EVL: variants seen among roughly 807,000 people sequenced by gnomAD.
EVL encodes the protein ena/VASP-like protein.
A neutral mutation model predicts 59.6 loss-of-function variants in EVL; 21 were observed. The ratio of observed to expected loss-of-function variants is 0.35; its 90% CI spans 0.25 to 0.51. The LOEUF (loss-of-function observed/expected upper bound fraction) is 0.51. Ranked by LOEUF, EVL falls within the 20% of genes least tolerant of loss-of-function variation. EVL has a pLI of 0.97. For synonymous variants in EVL, 198 were observed against 203.5 expected, an observed-to-expected ratio of 0.97 and a Z score of 0.23; for missense variants, 462 against 546.6, an observed-to-expected ratio of 0.85 and a Z score of 1.54.
At chr14:99,994,282 T>C (rs937281286) in intron 1 of EVL, among the ~76,000 whole-genome samples, 1 of 152,078 alleles carries the variant, frequency 6.6e-6, no homozygotes, top group Non-Finnish European at 1.5e-5. Flanking sequence ...AATTACTGAT[T>C]GGGAAGGATT....
intron 1 of EVL, among the ~76,000 whole-genome samples, chr14:99,984,430 T>C (rs2060827114): frequency 6.6e-6 from 1 of 152,156 alleles, no homozygotes; most frequent in Non-Finnish European, 1.5e-5. Flanking sequence ...CCCAGCCCCA[T>C]CCCCAAGGAT....
rs141817237 is a variant in EVL at position 100,123,541 on chromosome 14, C to A, written c.361C>A (p.Pro121Thr). The change falls in exon 4 of 14, where the codon CCC becomes ACC. Residue 121 changes from proline (P) to threonine (T), a missense_variant and splice_region_variant. Pro to Thr is a conservative substitution (Grantham distance 38). Coordinates refer to ENST00000392920, the MANE Select transcript of EVL (RefSeq NM_016337.3). Reference protein sequence around the residue: ...LNIMNSQEGGPSSQRQVQNGP... With the variant: ...LNIMNSQEGGTSSQRQVQNGP... ...TTTCTGTGCTTCTCTGCCCACAGGC[C>A]CCTCCAGCCAGCGTCAGGTGCAGAA... 219 of 1,614,038 alleles carry A rather than the reference C, an allele frequency of 1.4e-4. 1 individual carries two copies. The Middle Eastern group carries it at 2.1e-3, about 16-fold the overall frequency.
intron 1 of EVL, among the ~76,000 whole-genome samples, chr14:100,021,124 G>A (rs1031731411): frequency 2.6e-5 from 4 of 152,196 alleles, no homozygotes; most frequent in Admixed American, 6.5e-5. Context: ...CGTAGTTCAC[G>A]TTTTATTGTT....
chr14:100,130,380 T>G lies in EVL; in HGVS notation c.839+696T>G, dbSNP rs1566723973. The stretch of plus-strand genomic sequence containing the variant: ...CTTGGATTTTATTTTTAAATATGAC[T>G]TGGCATCAGGAATGTGCTCACCTTG... On this transcript the variant is annotated intron_variant, in intron 7 of 13. Transcript: ENST00000392920. This position sits in a 1 kb window ranked among gnomAD's most constrained non-coding sequence, Gnocchi z 4.8. 1.3e-5 allele frequency among the ~76,000 whole-genome samples: 2 copies of G among 152,208 alleles called. No homozygotes were observed. The highest frequency in any genetic ancestry group is 6.5e-5 in the Admixed American group (1 of 15,286).
At chr14:100,052,313 T>C (rs555055817) in intron 1 of EVL, among the ~76,000 whole-genome samples, 44 of 152,370 alleles carry the variant, frequency 2.9e-4, no homozygotes, top group African/African-American at 1.1e-3. Context: ...TTGTAAATTC[T>C]GAAAGAGCTT....
At position 100,141,729 on chromosome 14, in the gene EVL, C is replaced by T. The variant is rs746461091; in HGVS notation, c.1162-7C>T. The T allele has an allele frequency of 6.2e-7, 1 of 1,613,286 alleles. No homozygotes were observed. Among genetic ancestry groups the T allele is most frequent in the South Asian group, 1.1e-5 (1 of 91,042 alleles). ...GTCCCTTCACCTGGACACTCCTCTC[C>T]CAACAGGAGATCCTAGAGGAGGTGG... On this transcript the variant is annotated splice_polypyrimidine_tract_variant and splice_region_variant and intron_variant, in intron 12 of 13. Coordinates refer to ENST00000392920, the MANE Select transcript of EVL (RefSeq NM_016337.3).
At chr14:100,015,172 C>A (rs1220462874) in intron 1 of EVL, among the ~76,000 whole-genome samples, 1 of 152,152 alleles carries the variant, frequency 6.6e-6, no homozygotes, top group African/African-American at 2.4e-5. Flanking sequence ...ACATCAGGGC[C>A]TTAAACTCTC....
At chr14:100,103,651 T>C (rs1235740608) in intron 3 of EVL, among the ~76,000 whole-genome samples, 2 of 152,144 alleles carry the variant, frequency 1.3e-5, no homozygotes, top group African/African-American at 4.8e-5. Context: ...GCGCCCCTTC[T>C]ATGTGCTCCC....
At position 100,127,420 on chromosome 14, in the gene EVL, A is replaced by G. The variant is rs1595231774; in HGVS notation, c.487+649A>G. On this transcript the variant is annotated intron_variant, in intron 5 of 13. Coordinates refer to ENST00000392920, the MANE Select transcript of EVL (RefSeq NM_016337.3). This position sits in a 1 kb window ranked among gnomAD's most constrained non-coding sequence, Gnocchi z 4.2. ...CTATTATCCTGTTGACTGATGAGAA[A>G]CCCGAGCCCCCACTGGTTACAGGAA... is the stretch of plus-strand genomic sequence containing the variant. Among the ~76,000 whole-genome samples, 1 of 151,918 alleles carries G rather than the reference A, an allele frequency of 6.6e-6. No homozygotes were observed. Among genetic ancestry groups the G allele is most frequent in the African/African-American group, 2.4e-5 (1 of 41,316 alleles).
intron 1 of EVL, among the ~76,000 whole-genome samples, chr14:99,991,951 G>T (rs1380488073): frequency 8.7e-6 from 1 of 115,330 alleles, no homozygotes; most frequent in Non-Finnish European, 1.8e-5. Flanking sequence ...CATTGTTTGA[G>T]GGTCAACTCT....
intron 1 of EVL, among the ~76,000 whole-genome samples, chr14:99,994,900 G>C (rs60494081): frequency 0.013 from 2,007 of 152,228 alleles, 45 homozygotes; most frequent in African/African-American, 0.045. Context: ...TCATTTTGAA[G>C]GACAGTTTTG....
At chr14:100,029,243 A>C (rs2061270852) in intron 1 of EVL, among the ~76,000 whole-genome samples, 1 of 152,234 alleles carries the variant, frequency 6.6e-6, no homozygotes. Flanking sequence ...GAGTCCTGGA[A>C]CAGAATACCA....
At chr14:99,990,594 G>A (rs1294701027) in intron 1 of EVL, among the ~76,000 whole-genome samples, 2 of 152,060 alleles carry the variant, frequency 1.3e-5, no homozygotes, top group African/African-American at 2.4e-5. Flanking sequence ...AAATCATATA[G>A]CATTTGTCCC....
At chr14:99,988,457 A>G (rs1411789176) in intron 1 of EVL, among the ~76,000 whole-genome samples, 1 of 152,214 alleles carries the variant, frequency 6.6e-6, no homozygotes, top group African/African-American at 2.4e-5. Flanking sequence ...GATAAACCTC[A>G]CATATTGGAG....
chr14:100,080,287 C>T (rs539580809), intron 1 of EVL, among the ~76,000 whole-genome samples: 3 of 152,314 alleles, frequency 2.0e-5, no homozygotes, highest in African/African-American at 7.2e-5. Flanking sequence ...TCAAAGCTGT[C>T]CTGGGCCACA....
intron 1 of EVL, among the ~76,000 whole-genome samples, chr14:100,038,454 C>T (rs1401372385): frequency 6.6e-6 from 1 of 152,152 alleles, no homozygotes; most frequent in Non-Finnish European, 1.5e-5. Context: ...ACCACTGCCT[C>T]CTCTCGGTTT....
chr14:99,993,543 A>G (rs1432795508), intron 1 of EVL, among the ~76,000 whole-genome samples: 1 of 152,130 alleles, frequency 6.6e-6, no homozygotes, highest in East Asian at 1.9e-4. Context: ...ATTCTTCGGA[A>G]GAGTTTGAGG....
At chr14:100,020,007 A>T (rs1423077137) in intron 1 of EVL, among the ~76,000 whole-genome samples, 1 of 152,250 alleles carries the variant, frequency 6.6e-6, no homozygotes, top group East Asian at 1.9e-4. Flanking sequence ...CTGTGTGTCC[A>T]GAATGAGTCT....
chr14:100,124,843 G>A (rs1207472700), intron 4 of EVL, among the ~76,000 whole-genome samples: 2 of 152,208 alleles, frequency 1.3e-5, no homozygotes, highest in African/African-American at 2.4e-5. Context: ...GGCCGTCCGG[G>A]AATGGGCATA....
Sources: allele counts gnomAD v4.1 joint callset (sites outside exome capture counted in the v4.1 genomes callset), GRCh38; gene constraint gnomAD v4.1.1; non-coding constraint Gnocchi (gnomAD v3.1); transcripts MANE v1.5; gene names NCBI Gene and HGNC (gene_info 2026-07-23, HGNC 2026-07-21).